Variants in NHSL1 observed in about 807,000 individuals in gnomAD.
NHSL1 encodes NHS-like protein 1.
A neutral mutation model predicts 95.0 loss-of-function variants in NHSL1; 48 were observed. The observed-to-expected ratio is 0.51, with a 90% CI of 0.40 to 0.64. NHSL1 has a LOEUF of 0.64. Among genes scored for constraint, NHSL1 ranks in the 30% least tolerant of loss-of-function variants. The pLI is 0.00. For missense variants in NHSL1, 1,971 were observed against 2,077.7 expected (o/e 0.95, Z 1.00); for synonymous variants, 783 against 833.9 (o/e 0.94, Z 1.05).
At chr6:138,566,644 A>C (rs2114378292) in intron 1 of NHSL1, among the ~76,000 whole-genome samples, 2 of 151,742 alleles carry the variant, frequency 1.3e-5, no homozygotes, top group East Asian at 3.9e-4. Flanking sequence ...AAATGCACAA[A>C]GTTTTTAAAC....
At chr6:138,573,276 C>G (rs1754543001), upstream of NHSL1, among the ~76,000 whole-genome samples, 1 of 152,158 alleles carries the variant, frequency 6.6e-6, no homozygotes, top group African/African-American at 2.4e-5. Flanking sequence ...TACTACAATT[C>G]CACGGTCCTA....
rs553820231 is a variant in NHSL1 at position 138,646,284 on chromosome 6, C to T, written c.96+46192G>A. Among the ~76,000 whole-genome samples, 352 of 152,252 alleles carry T rather than the reference C, an allele frequency of 2.3e-3. 2 individuals carry two copies. Among genetic ancestry groups the T allele is most frequent in the African/African-American group, 8.2e-3 (339 of 41,540 alleles). On this transcript the variant is annotated intron_variant, in intron 1 of 3. Transcript: ENST00000491526. ...AAATTAAATACACCAATATTTTTAA[C>T]CCCTAACTCCAAAGAACCTGTTGTA...
Position 138,514,979 on chromosome 6 carries a change from G to A in NHSL1, c.17-18608C>T, listed in dbSNP as rs142316384. ...CTGAATTCACCCTTCTTCTGAGGAC[G>A]TAAGATTAAAAAAAAAAAGTGTCTA... On this transcript the variant is annotated intron_variant, in intron 1 of 4. Coordinates refer to the NHSL1 transcript ENST00000342260. Among the ~76,000 whole-genome samples, 1,445 of 151,636 alleles carry A rather than the reference G, an allele frequency of 9.5e-3. 10 individuals are homozygous for A. Among genetic ancestry groups the A allele is most frequent in the Middle Eastern group, 0.024 (7 of 292 alleles).
chr6:138,424,813 G>A lies in NHSL1; in HGVS notation c.4089C>T (p.Ser1363=), dbSNP rs1306914577. The part of the protein sequence containing the change: ...TEDLFAAIHR[S]KRKVLGRRDS... ...CTCTACGGCCGAGGACTTTCCTTTT[G>A]GATCTGAGATTTAATAACATTAAGA... Residue 1363 remains serine (S), a synonymous_variant, in exon 8 of 8, where the codon TCC becomes TCT. Transcript: ENST00000343505. The surrounding 1 kb of genome is among the most constrained non-coding windows in gnomAD (Gnocchi z 5.9). 14 of 1,547,838 alleles carry A rather than the reference G, an allele frequency of 9.0e-6. No homozygotes were observed. The highest frequency in any genetic ancestry group is 1.2e-5 in the Non-Finnish European group (14 of 1,144,698).
chr6:138,659,705 A>G (rs1346272967), intron 1 of NHSL1, among the ~76,000 whole-genome samples: 1 of 146,364 alleles, frequency 6.8e-6, no homozygotes, highest in Non-Finnish European at 1.5e-5. Flanking sequence ...TATTTTTCCT[A>G]CCACGTTTTT....
chr6:138,530,432 AC>A (rs1203702002), intron 1 of NHSL1, among the ~76,000 whole-genome samples: 2 of 152,226 alleles, frequency 1.3e-5, no homozygotes, highest in African/African-American at 4.8e-5. Context: ...TTGGATATCT[AC>A]CCAAAGGAAA....
At chr6:138,663,289 G>C (rs1044054427) in intron 1 of NHSL1, among the ~76,000 whole-genome samples, 1 of 152,110 alleles carries the variant, frequency 6.6e-6, no homozygotes, top group African/African-American at 2.4e-5. Flanking sequence ...GGCCAGGCGT[G>C]GTGGGTCACG....
intron 1 of NHSL1, among the ~76,000 whole-genome samples, chr6:138,498,496 A>G (rs1383097837): frequency 6.6e-6 from 1 of 152,134 alleles, no homozygotes; most frequent in Admixed American, 6.5e-5. Context: ...GCCCCTACCC[A>G]TGTTCATTTA....
chr6:138,660,282 G>A (rs1019704393), intron 1 of NHSL1, among the ~76,000 whole-genome samples: 2 of 152,120 alleles, frequency 1.3e-5, no homozygotes, highest in Non-Finnish European at 2.9e-5. Context: ...GAGCTGTGTT[G>A]AAACATCTAA....
intron 1 of NHSL1, among the ~76,000 whole-genome samples, chr6:138,526,900 T>C (rs933748840): frequency 3.9e-5 from 6 of 152,224 alleles, no homozygotes; most frequent in African/African-American, 7.2e-5. Context: ...TCGTCAGAAA[T>C]TGAACAGAAT....
At chr6:138,538,982 C>T (rs1782473076) in intron 1 of NHSL1, among the ~76,000 whole-genome samples, 1 of 152,066 alleles carries the variant, frequency 6.6e-6, no homozygotes, top group African/African-American at 2.4e-5. Context: ...GTCACTCAGG[C>T]CTTTTGTTTC....
intron 1 of NHSL1, among the ~76,000 whole-genome samples, chr6:138,626,893 C>CAAAAAA (rs71009593): frequency 1.3e-4 from 1 of 7,770 alleles, no homozygotes; most frequent in Non-Finnish European, 2.4e-4. Context: ...GACTCCGTCT[C>CAAAAAA]AAAAAAAAAA....
At chr6:138,665,070 G>C (rs1433907029) in intron 1 of NHSL1, among the ~76,000 whole-genome samples, 1 of 152,234 alleles carries the variant, frequency 6.6e-6, no homozygotes, top group East Asian at 1.9e-4. Flanking sequence ...AGCCAAGTCA[G>C]AAAAGTGAAG....
intron 1 of NHSL1, among the ~76,000 whole-genome samples, chr6:138,535,181 T>C (rs2128318912): frequency 6.6e-6 from 1 of 152,162 alleles, no homozygotes; most frequent in Middle Eastern, 3.4e-3. Context: ...GGTAGCAGTT[T>C]AGATGGTAAG....
Position 138,499,451 on chromosome 6 carries a change from G to A in NHSL1, c.-161C>T. 1 of 1,401,562 alleles carries A rather than the reference G, an allele frequency of 7.1e-7. No individual in the cohort carries two copies. The highest frequency in any genetic ancestry group is 9.4e-7 in the Non-Finnish European group (1 of 1,069,296). 86.8% of individuals were successfully genotyped at this position (1,401,562 alleles called of 1,614,324 possible). The stretch of plus-strand genomic sequence containing the variant: ...CCCAGGCTGATGTAACTGAGGTTGA[G>A]TTTATTGTCAGGCAGTTACAAACCA... On this transcript the variant is annotated 5_prime_UTR_variant, in exon 1 of 8. Coordinates refer to ENST00000343505, the MANE Select transcript of NHSL1 (RefSeq NM_001144060.2).
intron 1 of NHSL1, among the ~76,000 whole-genome samples, chr6:138,641,436 G>C (rs1195291287): frequency 6.6e-6 from 1 of 152,058 alleles, no homozygotes; most frequent in Non-Finnish European, 1.5e-5. Context: ...CATGTGAAAC[G>C]TACAGTGTTG....
chr6:138,518,074 G>A (rs1638627614), intron 1 of NHSL1, among the ~76,000 whole-genome samples: 1 of 152,186 alleles, frequency 6.6e-6, no homozygotes, highest in African/African-American at 2.4e-5. Context: ...GTGAGAAACT[G>A]CTGCAAGATT....
At chr6:138,473,493 T>C in intron 2 of NHSL1, 60 bp from the exon 3 acceptor site, 1 of 1,328,238 alleles carries the variant, frequency 7.5e-7, no homozygotes, top group Non-Finnish European at 9.7e-7. Flanking sequence ...TCCTCTTTAC[T>C]TACTTTACGT....
intron 1 of NHSL1, among the ~76,000 whole-genome samples, chr6:138,584,129 A>G (rs1190895569): frequency 1.3e-5 from 2 of 152,216 alleles, no homozygotes; most frequent in African/African-American, 4.8e-5. Flanking sequence ...AAGTAAATAA[A>G]TAAATAAAAT....
Sources: allele counts gnomAD v4.1 joint callset (sites outside exome capture counted in the v4.1 genomes callset), GRCh38; gene constraint gnomAD v4.1.1; non-coding constraint Gnocchi (gnomAD v3.1); transcripts MANE v1.5; gene names NCBI Gene and HGNC (gene_info 2026-07-23, HGNC 2026-07-21).